Variants in DOCK2 observed in about 807,000 individuals in gnomAD.
The protein encoded by DOCK2 is dedicator of cytokinesis protein 2.
In DOCK2, 87 loss-of-function variants were observed where a neutral mutation model predicts 248.9. The ratio of observed to expected loss-of-function variants is 0.35; its 90% confidence interval spans 0.29 to 0.42. DOCK2 has a LOEUF of 0.42. Among genes scored for constraint, DOCK2 ranks in the 10% least tolerant of loss-of-function variants. The pLI is 1.00. For missense variants in DOCK2, 1,747 were observed against 2,300.2 expected, an observed-to-expected ratio of 0.76 and a Z score of 4.92; for synonymous variants, 805 against 821.6, an observed-to-expected ratio of 0.98 and a Z score of 0.35.
chr5:169,895,344 G>C (rs915267965), intron 27 of DOCK2, among the ~76,000 whole-genome samples: 1 of 151,998 alleles, frequency 6.6e-6, no homozygotes, highest in African/African-American at 2.4e-5. Flanking sequence ...ATGGTAGAGA[G>C]AACCACCCAG....
intron 2 of DOCK2, among the ~76,000 whole-genome samples, chr5:169,665,270 A>G (rs1392040256): frequency 1.1e-5 from 1 of 93,494 alleles, no homozygotes; most frequent in African/African-American, 4.2e-5. Context: ...CAGCATATCT[A>G]TATATGTTTA....
At chr5:170,021,992 A>G (rs1258509103) in intron 33 of DOCK2, among the ~76,000 whole-genome samples, 1 of 152,232 alleles carries the variant, frequency 6.6e-6, no homozygotes, top group Non-Finnish European at 1.5e-5. Flanking sequence ...CCAGAAGACC[A>G]CATTGTTCCC....
At chr5:169,692,319 A>G (rs1019309082) in intron 9 of DOCK2, among the ~76,000 whole-genome samples, 1 of 152,202 alleles carries the variant, frequency 6.6e-6, no homozygotes, top group Non-Finnish European at 1.5e-5. Flanking sequence ...AAATCAGGTG[A>G]TGCTTGTTAA....
chr5:169,665,860 C>G (rs1468808170), intron 2 of DOCK2, among the ~76,000 whole-genome samples: 2 of 152,016 alleles, frequency 1.3e-5, no homozygotes, highest in African/African-American at 4.8e-5. Context: ...AAATCTCCTG[C>G]CTCCCTTGAC....
Position 169,699,398 on chromosome 5 carries a change from G to A in DOCK2, c.1072G>A (p.Asp358Asn). The A allele has an allele frequency of 6.2e-7, 1 of 1,613,224 alleles. No homozygotes were observed. Among genetic ancestry groups the A allele is most frequent in the Non-Finnish European group, 8.5e-7 (1 of 1,179,510 alleles). Residue 358 changes from aspartate to asparagine, a missense_variant, in exon 12 of 52, where the codon GAC becomes AAC. Physicochemically the swap from Asp to Asn is conservative, Grantham distance 23. Around this residue, in one of 4 missense-constraint regions of DOCK2, gnomAD observed 375 missense variants for 510.9 expected, o/e 0.73. Coordinates refer to ENST00000520908, the MANE Select transcript of DOCK2 (RefSeq NM_004946.3). ...CCTTTCCAGGGTTACAGCTGAGAAT[G>A]ACTTCCTACACAGCCTGCTGGGCAA... ...IPFHPVTAEN[D>N]FLHSLLGKVI...
At chr5:170,069,359 C>A in intron 46 of DOCK2, 139 bp downstream of exon 46, 1 of 814,312 alleles carries the variant, frequency 1.2e-6, no homozygotes, top group Non-Finnish European at 2.0e-6. Flanking sequence ...GCCCCTCTTC[C>A]AACTCTGTAT....
At chr5:170,027,798 A>G in intron 33 of DOCK2, 65 bp from the exon 34 acceptor site, 2 of 1,456,800 alleles carry the variant, frequency 1.4e-6, no homozygotes, top group Non-Finnish European at 9.5e-7. Flanking sequence ...TGAAATAATG[A>G]ATTGACTAAT....
intron 41 of DOCK2, among the ~76,000 whole-genome samples, chr5:170,053,948 A>G (rs1419635594): frequency 6.6e-6 from 1 of 152,226 alleles, no homozygotes; most frequent in Non-Finnish European, 1.5e-5. Flanking sequence ...GAGGAAGCCT[A>G]CAAGGAGCTG....
At chr5:169,765,909 G>C (rs1764758074) in intron 25 of DOCK2, among the ~76,000 whole-genome samples, 1 of 152,150 alleles carries the variant, frequency 6.6e-6, no homozygotes, top group Non-Finnish European at 1.5e-5. Context: ...AGTATCTGGA[G>C]ATGCTGGGTC....
At chr5:169,996,801 A>G (rs560412339) in intron 30 of DOCK2, among the ~76,000 whole-genome samples, 2 of 152,286 alleles carry the variant, frequency 1.3e-5, no homozygotes, top group South Asian at 4.1e-4. Context: ...CCTAGCATCT[A>G]TCTCTTCCAG....
chr5:169,855,742 A>G (rs1048370738), intron 27 of DOCK2, among the ~76,000 whole-genome samples: 3 of 152,208 alleles, frequency 2.0e-5, no homozygotes, highest in African/African-American at 7.2e-5. Flanking sequence ...ACATTACAAG[A>G]TGAGGAAAGC....
intron 26 of DOCK2, among the ~76,000 whole-genome samples, chr5:169,810,901 T>C (rs1273285212): frequency 6.6e-6 from 1 of 151,598 alleles, no homozygotes; most frequent in Admixed American, 6.6e-5. Flanking sequence ...CCCCCATGAA[T>C]GATTTGTCTA....
chr5:169,738,291 T>C (rs1228562524), intron 22 of DOCK2, among the ~76,000 whole-genome samples: 1 of 152,212 alleles, frequency 6.6e-6, no homozygotes, highest in Non-Finnish European at 1.5e-5. Flanking sequence ...CTGACCATTA[T>C]GTAGAAACTG....
At chr5:169,720,763 T>C (rs957868685) in intron 22 of DOCK2, among the ~76,000 whole-genome samples, 3 of 152,058 alleles carry the variant, frequency 2.0e-5, no homozygotes, top group African/African-American at 7.2e-5. Context: ...ACTAGAGCAA[T>C]GGCGCAATCA....
chr5:169,823,667 C>A (rs1316294915), intron 26 of DOCK2, among the ~76,000 whole-genome samples: 2 of 152,196 alleles, frequency 1.3e-5, no homozygotes, highest in Non-Finnish European at 2.9e-5. Context: ...CAATATCATA[C>A]TGAATGGACA....
intron 26 of DOCK2, among the ~76,000 whole-genome samples, chr5:169,819,376 T>C (rs1768276117): frequency 6.6e-6 from 1 of 152,148 alleles, no homozygotes; most frequent in South Asian, 2.1e-4. Flanking sequence ...ATACCAGCAC[T>C]TTGGGAAGCC....
At chr5:169,915,557 AACAC>A (rs56728646) in intron 27 of DOCK2, among the ~76,000 whole-genome samples, 18,321 of 143,300 alleles carry the variant, frequency 0.13, 1,149 homozygotes, top group Middle Eastern at 0.18. Context: ...ATTGACAGGG[AACAC>A]ACACACACAC....
At chr5:169,768,135 C>T (rs1413063037) in intron 25 of DOCK2, among the ~76,000 whole-genome samples, 4 of 152,298 alleles carry the variant, frequency 2.6e-5, no homozygotes, top group Non-Finnish European at 4.4e-5. Flanking sequence ...CTGGAAGTGA[C>T]ACCTGCCAGT....
In DOCK2 at chr5:169,654,459, G is replaced by C. The variant is rs1370410465; in HGVS notation, c.100G>C (p.Val34Leu). 6.2e-7 allele frequency: 1 copy of C among 1,614,206 alleles called. No individual in the cohort carries two copies. Among genetic ancestry groups the C allele is most frequent in the Non-Finnish European group, 8.5e-7 (1 of 1,180,026 alleles). Residue 34 changes from valine to leucine, a missense_variant, in exon 2 of 52, where the codon GTG (valine) becomes CTG (leucine). Val to Leu is a conservative substitution (Grantham distance 32). Around this residue, in one of 4 missense-constraint regions of DOCK2, gnomAD observed 375 missense variants for 510.9 expected, o/e 0.73. Transcript: ENST00000520908. Reference protein sequence around the residue: ...APQLSLQIGDVVRIQETCGDW... With the variant: ...APQLSLQIGDLVRIQETCGDW... ...CCAGCTCTCCCTGCAGATCGGCGAT[G>C]TGGTGCGAATACAGGAGACGTGTGG...
Sources: allele counts gnomAD v4.1 joint callset (sites outside exome capture counted in the v4.1 genomes callset), GRCh38; gene constraint gnomAD v4.1.1; regional missense constraint gnomAD v4.1.1; transcripts MANE v1.5; gene names NCBI Gene and HGNC (gene_info 2026-07-23, HGNC 2026-07-21).